The following EML1 variants were observed in gnomAD, a reference collection of about 807,000 sequenced individuals.
EML1 encodes the protein echinoderm microtubule-associated protein-like 1.
In EML1, 27 loss-of-function variants were observed where a neutral mutation model predicts 110.4. The ratio of observed to expected loss-of-function variants is 0.24; its 90% CI spans 0.18 to 0.34. The LOEUF (loss-of-function observed/expected upper bound fraction) is 0.34, where lower values mean the gene tolerates loss of function less well. Ranked by LOEUF, EML1 falls within the 10% of genes least tolerant of loss-of-function variation. EML1 has a pLI of 1.00. For synonymous variants in EML1, 344 were observed against 385.8 expected, an observed-to-expected ratio of 0.89 and a Z score of 1.27; for missense variants, 741 against 1,030.9, an observed-to-expected ratio of 0.72 and a Z score of 3.85.
chr14:99,740,856 G>A (rs1408977163), intron 1 of EML1, among the ~76,000 whole-genome samples: 4 of 152,176 alleles, frequency 2.6e-5, no homozygotes, highest in African/African-American at 9.7e-5. Flanking sequence ...GAAGATGCTG[G>A]CTCTACACAT....
At chr14:99,924,999 C>T (rs542256677) in intron 17 of EML1, among the ~76,000 whole-genome samples, 1 of 152,212 alleles carries the variant, frequency 6.6e-6, no homozygotes, top group South Asian at 2.1e-4. Flanking sequence ...GGATTTTTGC[C>T]TCCATGTTTC....
chr14:99,913,348 T>G (rs2059977398), intron 13 of EML1, among the ~76,000 whole-genome samples: 1 of 151,922 alleles, frequency 6.6e-6, no homozygotes, highest in East Asian at 1.9e-4. Context: ...TAATTTTTTT[T>G]GTATTTTTGG....
Position 99,911,573 on chromosome 14 carries a change from G to A in EML1, c.1491G>A (p.Thr497=), listed in dbSNP as rs190394334. The change falls in exon 13 of 22, where the codon ACG becomes ACA. Residue 497 remains threonine, a synonymous_variant. Coordinates refer to ENST00000262233, the MANE Select transcript of EML1 (RefSeq NM_004434.3). ...GAAACTATCAAAAACTTCGTAAAACGGAGGTAAGTCATCAAGGCTACTGCT... is the reference window on the plus strand; with the variant it reads ...GAAACTATCAAAAACTTCGTAAAACAGAGGTAAGTCATCAAGGCTACTGCT... ...WSGNYQKLRK[T]EIPEQFGPIR... The A allele has an allele frequency of 2.5e-4, 396 of 1,611,504 alleles. 2 individuals are homozygous for A. Among genetic ancestry groups the A allele is most frequent in the East Asian group, 8.9e-5 (4 of 44,796 alleles).
chr14:99,938,975 A>G (rs2060524710), intron 20 of EML1, among the ~76,000 whole-genome samples: 2 of 152,212 alleles, frequency 1.3e-5, no homozygotes, highest in Admixed American at 1.3e-4. Context: ...CTCCCCTTGC[A>G]CAGCAGAGCA....
At chr14:99,928,079 G>GTA in intron 17 of EML1, among the ~76,000 whole-genome samples, 1 of 146,358 alleles carries the variant, frequency 6.8e-6, no homozygotes, top group South Asian at 2.2e-4. Context: ...TGGTGGTGGT[G>GTA]GTGATGGTGA....
rs117248857 is a variant in EML1 at position 99,795,345 on chromosome 14, T to C, written c.67+1802T>C. Among the ~76,000 whole-genome samples the C allele has an allele frequency of 1.5e-3, 222 of 152,368 alleles. 1 individual carries two copies. In the East Asian group the frequency reaches 0.04, roughly 28 times the overall value. ...AGAAGAAAGTAAAAACCAACTCTTA[T>C]ATTTTGTAGAAGTATTGGTTTAAAG... On this transcript the variant is annotated intron_variant, in intron 1 of 21. Coordinates refer to ENST00000262233, the MANE Select transcript of EML1 (RefSeq NM_004434.3).
chr14:99,793,286 G>C, upstream of EML1: 1 of 973,682 alleles, frequency 1.0e-6, no homozygotes, highest in South Asian at 4.7e-5. Context: ...CGCGGGCGGA[G>C]CGGGCGCTGG....
chr14:99,853,134 A>G (rs2058840091), intron 2 of EML1, among the ~76,000 whole-genome samples: 1 of 152,254 alleles, frequency 6.6e-6, no homozygotes, highest in South Asian at 2.1e-4. Context: ...TTTGAATTTC[A>G]TAACTGCACA....
intron 4 of EML1, among the ~76,000 whole-genome samples, chr14:99,879,508 A>G (rs568650367): frequency 6.6e-6 from 1 of 152,338 alleles, no homozygotes; most frequent in South Asian, 2.1e-4. Context: ...CCCACAGGCT[A>G]TAAAACTTCC....
At chr14:99,938,180 C>A (rs1166443472) in intron 20 of EML1, among the ~76,000 whole-genome samples, 1 of 152,172 alleles carries the variant, frequency 6.6e-6, no homozygotes, top group Non-Finnish European at 1.5e-5. Flanking sequence ...CTGGAACCCT[C>A]TCCTATCAGG....
At chr14:99,817,195 A>G (rs1355279828) in intron 1 of EML1, among the ~76,000 whole-genome samples, 6 of 152,102 alleles carry the variant, frequency 3.9e-5, no homozygotes. Context: ...TGAGAAAATG[A>G]TTATAGAACA....
intron 1 of EML1, among the ~76,000 whole-genome samples, chr14:99,826,534 T>C (rs1349403206): frequency 6.6e-6 from 1 of 152,156 alleles, no homozygotes; most frequent in Non-Finnish European, 1.5e-5. Flanking sequence ...CCAAGTTTGA[T>C]CACCGGAGGA....
chr14:99,925,425 A>G (rs1183713358), intron 17 of EML1, among the ~76,000 whole-genome samples: 2 of 151,890 alleles, frequency 1.3e-5, no homozygotes, highest in African/African-American at 4.8e-5. Flanking sequence ...ACACCCAGCT[A>G]ATTTTTTTTA....
rs192191299 is a variant in EML1 at position 99,870,237 on chromosome 14, A to C, written c.383+4591A>C. On this transcript the variant is annotated intron_variant, in intron 3 of 21. Coordinates refer to ENST00000262233, the MANE Select transcript of EML1 (RefSeq NM_004434.3). ...ACGAGGCACAACATTCCCTTAAGCC[A>C]AAGCCTAATACAGAGCAAGGCCTTA... 2.0e-4 allele frequency among the ~76,000 whole-genome samples: 31 copies of C among 152,364 alleles called. No homozygotes were observed. In the East Asian group the frequency reaches 5.6e-3, roughly 27 times the overall value.
chr14:99,745,723 A>G (rs1478787822), intron 1 of EML1, among the ~76,000 whole-genome samples: 1 of 152,240 alleles, frequency 6.6e-6, no homozygotes, highest in East Asian at 1.9e-4. Context: ...GTTTAAACAC[A>G]TCTTTTAGGA....
chr14:99,902,771 T>TG (rs1309717353), intron 9 of EML1, among the ~76,000 whole-genome samples: 9 of 152,180 alleles, frequency 5.9e-5, no homozygotes, highest in Admixed American at 4.6e-4. Context: ...CCTCTCCTCT[T>TG]GGGGGGTCCC....
chr14:99,824,547 C>CGGAAATGCAAATCAAAATCACAAT (rs1595344794), intron 1 of EML1, among the ~76,000 whole-genome samples: 1 of 151,986 alleles, frequency 6.6e-6, no homozygotes, highest in African/African-American at 2.4e-5. Flanking sequence ...TAATTGGCCT[C>CGGAAATGCAAATCAAAATCACAAT]AACACAGTAA....
At chr14:99,796,899 TTGTGTGTGTATG>T (rs1595293449) in intron 1 of EML1, among the ~76,000 whole-genome samples, 2 of 135,914 alleles carry the variant, frequency 1.5e-5, no homozygotes, top group African/African-American at 5.2e-5. Context: ...GTCTAAATCT[TTGTGTGTGTATG>T]TGTGTGTGTG....
Position 99,899,704 on chromosome 14 carries a change from G to A in EML1, c.898-1225G>A, listed in dbSNP as rs59758507. Among the ~76,000 whole-genome samples, 729 of 122,212 alleles carry A rather than the reference G, an allele frequency of 6.0e-3. 8 individuals are homozygous for A. The highest frequency in any genetic ancestry group is 0.024 in the African/African-American group (699 of 29,306). 80.2% of individuals were successfully genotyped at this position (122,212 alleles called of 152,430 possible). A position where few individuals can be genotyped will look rare whatever the true frequency, so the allele number is the denominator to read the frequency against. On this transcript the variant is annotated intron_variant, in intron 8 of 21. Coordinates refer to ENST00000262233, the MANE Select transcript of EML1 (RefSeq NM_004434.3). Reference sequence around the variant, plus strand: ...GTAAATAAATTTACTTAAATTGAATGGGTCTTTCAATTTTTTTTTTTTTAA... The same window carrying A: ...GTAAATAAATTTACTTAAATTGAATAGGTCTTTCAATTTTTTTTTTTTTAA...
Sources: allele counts gnomAD v4.1 joint callset (sites outside exome capture counted in the v4.1 genomes callset), GRCh38; gene constraint gnomAD v4.1.1; transcripts MANE v1.5; gene names NCBI Gene and HGNC (gene_info 2026-07-23, HGNC 2026-07-21).